Variants in RERE observed in about 807,000 individuals in gnomAD.
The protein encoded by RERE is arginine-glutamic acid dipeptide repeats.
A neutral mutation model predicts 146.1 loss-of-function variants in RERE; 40 were observed. The observed-to-expected ratio is 0.27, with a 90% CI of 0.21 to 0.36. The LOEUF is 0.36. Among genes scored for constraint, RERE ranks in the 10% least tolerant of loss-of-function variants. The probability of loss-of-function intolerance (pLI) is 1.00; values close to 1 mark genes in which losing one functional copy is unlikely to be tolerated. For missense variants in RERE, 1,933 were observed against 2,138.7 expected, an observed-to-expected ratio of 0.90 and a Z score of 1.90; for synonymous variants, 1,003 against 866.0, an observed-to-expected ratio of 1.16 and a Z score of -2.78.
At chr1:8,801,659 G>A (rs1641594272) in intron 1 of RERE, among the ~76,000 whole-genome samples, 1 of 152,182 alleles carries the variant, frequency 6.6e-6, no homozygotes, top group Non-Finnish European at 1.5e-5. Flanking sequence ...AATATCCAGG[G>A]ATGGTGAGAA....
At chr1:8,650,552 CA>C (rs1647560778) in intron 2 of RERE, among the ~76,000 whole-genome samples, 1 of 152,164 alleles carries the variant, frequency 6.6e-6, no homozygotes, top group African/African-American at 2.4e-5. Context: ...CACCTGAGGT[CA>C]GGAGTTCGAG....
chr1:8,685,977 G>A (rs1445173918), intron 1 of RERE, among the ~76,000 whole-genome samples: 2 of 90,668 alleles, frequency 2.2e-5, no homozygotes, highest in Non-Finnish European at 2.1e-5. Flanking sequence ...AACTCTTTAG[G>A]TAATTTTTTT....
At chr1:8,769,714 C>T (rs1303834018) in intron 1 of RERE, among the ~76,000 whole-genome samples, 1 of 152,108 alleles carries the variant, frequency 6.6e-6, no homozygotes, top group Non-Finnish European at 1.5e-5. Flanking sequence ...TGGACTCAAG[C>T]GATACTCCTG....
In RERE at chr1:8,680,107, A is replaced by G. The variant is rs77578583; in HGVS notation, c.-144-23666T>C. ...TAGGGGTGCAAGAGATTCTGTACAC[A>G]TAAGAAAGGCAGTCACGTGACACCA... On this transcript the variant is annotated intron_variant, in intron 1 of 22. Coordinates refer to ENST00000400908, the MANE Select transcript of RERE (RefSeq NM_001042681.2). Among the ~76,000 whole-genome samples, 1,195 of 152,316 alleles carry G rather than the reference A, an allele frequency of 7.8e-3. 14 individuals are homozygous for G. The highest frequency in any genetic ancestry group is 0.027 in the African/African-American group (1,139 of 41,550).
intron 1 of RERE, among the ~76,000 whole-genome samples, chr1:8,785,744 C>G (rs1641248374): frequency 6.6e-6 from 1 of 152,160 alleles, no homozygotes; most frequent in African/African-American, 2.4e-5. Context: ...GCCTCAGCCT[C>G]CTGAGTAGCT....
At chr1:8,506,301 A>C (rs936991924) in intron 8 of RERE, among the ~76,000 whole-genome samples, 60 of 152,212 alleles carry the variant, frequency 3.9e-4, no homozygotes, top group African/African-American at 1.4e-3. Flanking sequence ...ACAAGCAGAC[A>C]CTGTCCTCCT....
rs530021389 is a variant in RERE at position 8,739,406 on chromosome 1, G to A, written c.-145+77754C>T. Among the ~76,000 whole-genome samples the A allele has an allele frequency of 1.9e-3, 287 of 152,252 alleles. 1 individual carries two copies. The highest frequency in any genetic ancestry group is 6.5e-3 in the African/African-American group (271 of 41,562). On this transcript the variant is annotated intron_variant, in intron 1 of 22. Transcript: ENST00000400908. Reference sequence around the variant, plus strand: ...TTTGTGGGAGAGTGTCTCAGTGGACGTACTCTGCTACCTGGGCAGCAGGAG... The same window carrying A: ...TTTGTGGGAGAGTGTCTCAGTGGACATACTCTGCTACCTGGGCAGCAGGAG...
At chr1:8,380,861 A>C (rs1296081965) in intron 12 of RERE, 2 of 456,608 alleles carry the variant, frequency 4.4e-6, no homozygotes, top group African/African-American at 4.0e-5. Context: ...TGGACCTTGG[A>C]GTCCTGGTCC....
intron 4 of RERE, among the ~76,000 whole-genome samples, chr1:8,572,540 C>T (rs1150395): frequency 0.94 from 143,150 of 152,316 alleles, 67,378 homozygotes; most frequent in East Asian, 1. Flanking sequence ...ACAGTTTTAG[C>T]GACAAGTGAT....
Position 8,364,397 on chromosome 1 carries a change from C to T in RERE, c.1541-142G>A, listed in dbSNP as rs1641716487. On this transcript the variant is annotated intron_variant, in intron 14 of 22. Transcript: ENST00000400908. This position sits in a 1 kb window ranked among gnomAD's most constrained non-coding sequence, Gnocchi z 5.1. Reference sequence around the variant, plus strand: ...AGCCCTGGGCCCCAACACCCCAGGGCTAGTGCTGCCCTGCTCCCCCAAGGC... The same window carrying T: ...AGCCCTGGGCCCCAACACCCCAGGGTTAGTGCTGCCCTGCTCCCCCAAGGC... The T allele has an allele frequency of 1.4e-6, 1 of 735,082 alleles. No individual in the cohort carries two copies. The highest frequency in any genetic ancestry group is 1.7e-5 in the South Asian group (1 of 60,398). 45.5% of individuals were successfully genotyped at this position (735,082 alleles called of 1,614,324 possible).
chr1:8,555,323 T>C (rs1645994057), intron 6 of RERE, among the ~76,000 whole-genome samples: 1 of 152,244 alleles, frequency 6.6e-6, no homozygotes, highest in Admixed American at 6.5e-5. Context: ...TTTATTTCCA[T>C]GTTGTCTATT....
intron 7 of RERE, among the ~76,000 whole-genome samples, chr1:8,517,782 C>T (rs1472834324): frequency 6.6e-6 from 1 of 152,158 alleles, no homozygotes; most frequent in African/African-American, 2.4e-5. Flanking sequence ...TCTTCAACTG[C>T]AGTGGATTAA....
chr1:8,701,382 T>C (rs183983092), intron 1 of RERE, among the ~76,000 whole-genome samples: 95 of 151,830 alleles, frequency 6.3e-4, no homozygotes, highest in Non-Finnish European at 1.1e-3. Flanking sequence ...ACCATGTAGA[T>C]TGTAACATAT....
intron 1 of RERE, among the ~76,000 whole-genome samples, chr1:8,696,890 A>G (rs534411364): frequency 1.3e-5 from 2 of 152,356 alleles, no homozygotes; most frequent in South Asian, 2.1e-4. Flanking sequence ...AGCCTCGGCA[A>G]CAGAGCAAGA....
At chr1:8,482,092 G>T (rs1430197312) in intron 10 of RERE, among the ~76,000 whole-genome samples, 1 of 152,052 alleles carries the variant, frequency 6.6e-6, no homozygotes, top group African/African-American at 2.4e-5. Context: ...GTCACAAAAG[G>T]CCACTTATTA....
intron 8 of RERE, among the ~76,000 whole-genome samples, chr1:8,503,087 A>T (rs993679092): frequency 1.4e-5 from 2 of 144,600 alleles, no homozygotes; most frequent in Non-Finnish European, 3.0e-5. Flanking sequence ...TGATCAATTA[A>T]AAATAAATAA....
chr1:8,480,128 G>GTTTTTTTTTTTTTTTTTTTTTTTT (rs112068785), intron 10 of RERE, among the ~76,000 whole-genome samples: 1 of 135,224 alleles, frequency 7.4e-6, no homozygotes. Flanking sequence ...GCCTTTTTTT[G>GTTTTTTTTTTTTTTTTTTTTTTTT]TTTTTTTTTT....
chr1:8,436,697 A>G (rs1195953985), intron 11 of RERE, among the ~76,000 whole-genome samples: 1 of 152,234 alleles, frequency 6.6e-6, no homozygotes, highest in African/African-American at 2.4e-5. Context: ...TTTAAAAAGA[A>G]ACAGGTAAAA....
At chr1:8,493,436 T>A (rs1645003940) in intron 10 of RERE, among the ~76,000 whole-genome samples, 1 of 152,184 alleles carries the variant, frequency 6.6e-6, no homozygotes, top group African/African-American at 2.4e-5. Flanking sequence ...GAATGGCATA[T>A]CCCTAGCAAA....
Sources: gnomAD v4.1 joint callset for allele counts (sites outside exome capture counted in the v4.1 genomes callset) on GRCh38, gnomAD v4.1.1 for gene constraint, Gnocchi (gnomAD v3.1) non-coding constraint, MANE v1.5 for transcripts, NCBI Gene and HGNC (gene_info 2026-07-23, HGNC 2026-07-21) for gene names.